BRD1: variants seen among roughly 807,000 people sequenced by gnomAD.
The protein encoded by BRD1 is bromodomain containing 1, also known as bromodomain-containing protein 1.
Under a neutral mutation model 107.7 loss-of-function variants are expected in BRD1, and 24 were observed. The ratio of observed to expected loss-of-function variants is 0.22; its 90% CI spans 0.16 to 0.31. The LOEUF (loss-of-function observed/expected upper bound fraction) is 0.31. BRD1 is among the 10% of genes least tolerant of loss of function. BRD1 has a pLI of 1.00. For synonymous variants in BRD1, 744 were observed against 686.1 expected, an observed-to-expected ratio of 1.08 and a Z score of -1.32; for missense variants, 1,279 against 1,638.6, an observed-to-expected ratio of 0.78 and a Z score of 3.79.
chr22:49,818,041 C>T (rs550766328), intron 2 of BRD1, among the ~76,000 whole-genome samples: 8 of 152,346 alleles, frequency 5.3e-5, no homozygotes, highest in Admixed American at 3.3e-4. Flanking sequence ...ATTTAAAGTT[C>T]GCCACGTATT....
At chr22:49,797,712 A>G in intron 6 of BRD1, 93 bp downstream of exon 6, 1 of 1,350,814 alleles carries the variant, frequency 7.4e-7, no homozygotes, top group South Asian at 1.5e-5. Flanking sequence ...TGGCTCCCGG[A>G]CCATGCTGAT....
intron 8 of BRD1, 146 bp from the exon 9 acceptor site, chr22:49,777,959 C>G: frequency 1.7e-6 from 2 of 1,168,292 alleles, no homozygotes; most frequent in Non-Finnish European, 1.2e-6. Context: ...CCCAAGTTCC[C>G]GAGCATAGTC....
chr22:49,816,494 A>G (rs911187608), intron 2 of BRD1, among the ~76,000 whole-genome samples: 9 of 152,202 alleles, frequency 5.9e-5, no homozygotes, highest in Admixed American at 2.6e-4. Flanking sequence ...CTGGGGCTGC[A>G]GCAAGTGCTC....
rs762752274 is a variant in BRD1 at position 49,775,792 on chromosome 22, A to C, written c.3232-47T>G. The C allele has an allele frequency of 2.3e-5, 34 of 1,499,516 alleles. 1 individual carries two copies. Among genetic ancestry groups the C allele is most frequent in the African/African-American group, 9.4e-5 (5 of 52,984 alleles). 92.9% of individuals were successfully genotyped at this position (1,499,516 alleles called of 1,614,324 possible). ...AGGTCATTGTGAGGCTCACACCCATAAACAACCCCACCTGTCACTGGCACC... is the reference window on the plus strand; with the variant it reads ...AGGTCATTGTGAGGCTCACACCCATCAACAACCCCACCTGTCACTGGCACC... On this transcript the variant is annotated intron_variant, in intron 11 of 12. Coordinates refer to ENST00000404760, the MANE Select transcript of BRD1 (RefSeq NM_001304808.3).
chr22:49,790,105 G>A (rs773669626), intron 7 of BRD1, among the ~76,000 whole-genome samples: 1 of 152,220 alleles, frequency 6.6e-6, no homozygotes, highest in South Asian at 2.1e-4. Flanking sequence ...AAAGGAGGCC[G>A]TGGTCAGGAA....
At chr22:49,781,417 G>A (rs2059205605) in intron 8 of BRD1, among the ~76,000 whole-genome samples, 1 of 152,214 alleles carries the variant, frequency 6.6e-6, no homozygotes, top group Non-Finnish European at 1.5e-5. Context: ...GGAGGCGGAG[G>A]CCTGCAGGTC....
intron 2 of BRD1, among the ~76,000 whole-genome samples, chr22:49,819,439 G>C (rs2060020605): frequency 6.6e-6 from 1 of 152,094 alleles, no homozygotes; most frequent in Non-Finnish European, 1.5e-5. Flanking sequence ...TGTGGTCCCA[G>C]CTACTCAAGA....
chr22:49,779,760 C>T (rs987825017), intron 8 of BRD1, among the ~76,000 whole-genome samples: 2 of 152,050 alleles, frequency 1.3e-5, no homozygotes, highest in African/African-American at 4.8e-5. Context: ...CCCGAGAACC[C>T]CTCAGGAGCA....
rs1460141399 is a variant in BRD1 at position 49,774,226 on chromosome 22, C to T, written c.*7G>A. On this transcript the variant is annotated 3_prime_UTR_variant, in exon 13 of 13. Transcript: ENST00000404760. ...TATGGACAAGACCCGCGCTGGCGGC[C>T]GGGCCGTCAGTCAATGTCACTGAGG... The T allele has an allele frequency of 4.3e-6, 7 of 1,610,980 alleles. No individual in the cohort carries two copies. Among genetic ancestry groups the T allele is most frequent in the Middle Eastern group, 1.7e-4 (1 of 5,958 alleles).
In BRD1 at chr22:49,827,558, G is replaced by A. The variant is rs1028537361; in HGVS notation, c.-76C>T. ...GGCGGGCGCGGGGGCCGGCGCGGCC[G>A]AGGCGGTGCTAATGGCGCCCGCGGC... On this transcript the variant is annotated 5_prime_UTR_variant, in exon 1 of 13. Coordinates refer to ENST00000404760, the MANE Select transcript of BRD1 (RefSeq NM_001304808.3). The A allele has an allele frequency of 9.7e-5, 14 of 144,358 alleles. No homozygotes were observed. Among genetic ancestry groups the A allele is most frequent in the Admixed American group, 8.2e-4 (12 of 14,596 alleles). 8.9% of individuals were successfully genotyped at this position (144,358 alleles called of 1,614,324 possible).
At position 49,823,026 on chromosome 22, in the gene BRD1, T is replaced by C. The variant is rs1416929921; in HGVS notation, c.1292A>G (p.Lys431Arg). ...RSTSKVRKKA[K>R]KAKKALAEPC... Reference sequence around the variant, plus strand: ...CTCAGCCAGAGCTTTCTTAGCCTTTTTTGCCTTCTTCCTGACCTTGGATGT... The same window carrying C: ...CTCAGCCAGAGCTTTCTTAGCCTTTCTTGCCTTCTTCCTGACCTTGGATGT... Residue 431 changes from lysine (K) to arginine (R), a missense_variant, in exon 2 of 13, where the codon AAA becomes AGA. Transcript: ENST00000404760. The C allele has an allele frequency of 1.9e-6, 3 of 1,614,098 alleles. No homozygotes were observed. Among genetic ancestry groups the C allele is most frequent in the African/African-American group, 1.3e-5 (1 of 74,932 alleles).
chr22:49,781,255 G>A (rs1032840553), intron 8 of BRD1, among the ~76,000 whole-genome samples: 3 of 152,204 alleles, frequency 2.0e-5, no homozygotes, highest in Non-Finnish European at 4.4e-5. Context: ...GCCAAGCGCA[G>A]TCCCCGGAAG....
chr22:49,794,086 C>T lies in BRD1; in HGVS notation c.2307G>A (p.Leu769=). Residue 769 remains leucine (L), a synonymous_variant, in exon 7 of 13, where the codon TTG becomes TTA. Coordinates refer to ENST00000404760, the MANE Select transcript of BRD1 (RefSeq NM_001304808.3). ...HSQPLPTGPG[L]EGFEEDGAAL... ...CAGCTCCGTCCTCTTCGAAGCCTTC[C>T]AAGCCTGGCCCCGTGGGCAGGGGCT... is the stretch of plus-strand genomic sequence containing the variant. 1 of 1,614,204 alleles carries T rather than the reference C, an allele frequency of 6.2e-7. No individual in the cohort carries two copies. Among genetic ancestry groups the T allele is most frequent in the Non-Finnish European group, 8.5e-7 (1 of 1,180,042 alleles).
At chr22:49,814,952 G>T (rs764388946) in intron 2 of BRD1, among the ~76,000 whole-genome samples, 25 of 152,210 alleles carry the variant, frequency 1.6e-4, no homozygotes, top group Admixed American at 6.5e-4. Flanking sequence ...CTTCAGGGAA[G>T]AGAACCCGGC....
intron 2 of BRD1, among the ~76,000 whole-genome samples, chr22:49,821,881 A>C (rs2060073719): frequency 1.3e-5 from 2 of 151,926 alleles, no homozygotes; most frequent in African/African-American, 2.4e-5. Flanking sequence ...GGCTGGCTCT[A>C]CCCGCCCTGT....
intron 1 of BRD1, among the ~76,000 whole-genome samples, chr22:49,827,115 C>T (rs1432216193): frequency 6.6e-6 from 1 of 151,492 alleles, no homozygotes. Context: ...GCGGCCCGGC[C>T]GGCTCGGCGG....
chr22:49,794,164 C>A lies in BRD1; in HGVS notation c.2229G>T (p.Leu743=), dbSNP rs770600891. The change falls in exon 7 of 13, where the codon CTG becomes CTT. Residue 743 remains leucine (L), a synonymous_variant. Coordinates refer to ENST00000404760, the MANE Select transcript of BRD1 (RefSeq NM_001304808.3). ...SSGSRSKRAK[L]LKKEIALLRN... ...GGAGAAGGGCAATTTCCTTTTTGAG[C>A]AGCTTTGCCCGCTTGCTCCGGGAGC... 6 of 1,614,124 alleles carry A rather than the reference C, an allele frequency of 3.7e-6. No homozygotes were observed. Among genetic ancestry groups the A allele is most frequent in the Non-Finnish European group, 5.1e-6 (6 of 1,180,058 alleles).
chr22:49,781,460 G>A (rs902565798), intron 8 of BRD1, among the ~76,000 whole-genome samples: 3 of 152,230 alleles, frequency 2.0e-5, no homozygotes, highest in African/African-American at 7.2e-5. Flanking sequence ...TCTGGTCTCA[G>A]GCTCCCAGCC....
At chr22:49,817,773 G>A (rs796646222) in intron 2 of BRD1, 9 of 160,726 alleles carry the variant, frequency 5.6e-5, no homozygotes, top group Admixed American at 4.3e-4. Flanking sequence ...ATGCAGCTGC[G>A]TCAAAGACAA....
Sources: allele counts gnomAD v4.1 joint callset (sites outside exome capture counted in the v4.1 genomes callset), GRCh38; gene constraint gnomAD v4.1.1; transcripts MANE v1.5; gene names NCBI Gene and HGNC (gene_info 2026-07-23, HGNC 2026-07-21).